Variants in VAMP7 observed in about 807,000 individuals in gnomAD.
The protein encoded by VAMP7 is vesicle-associated membrane protein 7.
A neutral mutation model predicts 29.6 loss-of-function variants in VAMP7; 14 were observed. That is an observed-to-expected ratio of 0.47 (90% CI 0.31 to 0.74). The LOEUF is 0.74. Among genes scored for constraint, VAMP7 ranks in the 30% least tolerant of loss-of-function variants. The probability of loss-of-function intolerance (pLI) is 0.05; values close to 1 mark genes in which losing one functional copy is unlikely to be tolerated. For missense variants in VAMP7, 223 were observed against 262.4 expected (o/e 0.85, Z 1.04); for synonymous variants, 95 against 88.1 (o/e 1.08, Z -0.44).
At chrX:155,916,079 T>A (rs1351473772) in intron 5 of VAMP7, among the ~76,000 whole-genome samples, 1 of 152,238 alleles carries the variant, frequency 6.6e-6, no homozygotes, top group East Asian at 1.9e-4. Context: ...TTAGCTCTTC[T>A]TGTTGCATTG....
chrX:155,940,069 TGG>T (rs1413767227), intron 7 of VAMP7, among the ~76,000 whole-genome samples: 3 of 152,060 alleles, frequency 2.0e-5, no homozygotes, highest in African/African-American at 7.2e-5. Flanking sequence ...AAGACATTTC[TGG>T]TTTATATGTA....
At chrX:155,891,644 C>CA (rs1339088017) in intron 2 of VAMP7, among the ~76,000 whole-genome samples, 1 of 152,216 alleles carries the variant, frequency 6.6e-6, no homozygotes, top group East Asian at 1.9e-4. Flanking sequence ...TTGCCTCACA[C>CA]AATTTCAAAG....
Position 155,900,694 on chromosome X carries a change from C to T in VAMP7, c.433+107C>T, listed in dbSNP as rs766601856. 1.0e-5 allele frequency: 9 copies of T among 898,576 alleles called. No homozygotes were observed. The African/African-American group carries it at 1.2e-4, about 12-fold the overall frequency. 55.7% of individuals were successfully genotyped at this position (898,576 alleles called of 1,614,324 possible). A position where few individuals can be genotyped will look rare whatever the true frequency, so the allele number is the denominator to read the frequency against. ...CCAAAATAGCACTTCCTTATTCTTA[C>T]CATTGGAAGTTAATTGTCAGCTGAG... On this transcript the variant is annotated intron_variant, in intron 5 of 7. Transcript: ENST00000286448.
intron 5 of VAMP7, among the ~76,000 whole-genome samples, chrX:155,901,225 G>A (rs937518564): frequency 6.6e-6 from 1 of 151,970 alleles, no homozygotes; most frequent in Non-Finnish European, 1.5e-5. Flanking sequence ...ATCAAAATGC[G>A]CAAACGTTTT....
At chrX:155,924,431 A>G (rs2066440500) in intron 6 of VAMP7, among the ~76,000 whole-genome samples, 1 of 152,098 alleles carries the variant, frequency 6.6e-6, no homozygotes, top group Non-Finnish European at 1.5e-5. Flanking sequence ...CTCTGTAACC[A>G]TTAAGTAATA....
At chrX:155,884,989 T>A (rs2065848758) in intron 1 of VAMP7, among the ~76,000 whole-genome samples, 1 of 152,228 alleles carries the variant, frequency 6.6e-6, no homozygotes, top group Admixed American at 6.5e-5. Flanking sequence ...GAACGCTGGA[T>A]GCATTTCCTT....
intron 4 of VAMP7, among the ~76,000 whole-genome samples, chrX:155,898,879 CT>C (rs374852110): frequency 3.1e-3 from 471 of 152,106 alleles, no homozygotes; most frequent in African/African-American, 0.011. Context: ...TGTAAACTTT[CT>C]GTAAATGGAA....
intron 7 of VAMP7, 135 bp from the exon 8 acceptor site, chrX:155,941,748 G>A (rs1440141570): frequency 9.4e-7 from 1 of 1,064,714 alleles, no homozygotes; most frequent in Non-Finnish European, 1.3e-6. Context: ...CTTGTTTAGT[G>A]TGTTCCATTA....
intron 5 of VAMP7, among the ~76,000 whole-genome samples, chrX:155,910,882 A>G (rs1163616171): frequency 6.6e-6 from 1 of 152,070 alleles, no homozygotes; most frequent in South Asian, 2.1e-4. Flanking sequence ...CTCCCATTCA[A>G]CTGGTTGTCT....
chrX:155,932,559 G>C (rs1048977087), intron 6 of VAMP7, among the ~76,000 whole-genome samples: 3 of 151,944 alleles, frequency 2.0e-5, no homozygotes, highest in African/African-American at 7.2e-5. Flanking sequence ...CGTTGATTTC[G>C]TATCAAGACT....
chrX:155,930,497 A>C (rs1167140242), intron 6 of VAMP7, among the ~76,000 whole-genome samples: 2 of 151,368 alleles, frequency 1.3e-5, no homozygotes, highest in Admixed American at 6.6e-5. Context: ...AACAAAAAAA[A>C]AAAAAAAATA....
At chrX:155,896,054 C>T (rs1010043394) in intron 3 of VAMP7, among the ~76,000 whole-genome samples, 9 of 152,150 alleles carry the variant, frequency 5.9e-5, no homozygotes, top group Admixed American at 3.3e-4. Flanking sequence ...TCTACAAAAC[C>T]GGTCCCTGGT....
At chrX:155,936,049 G>A (rs1465962991) in intron 6 of VAMP7, among the ~76,000 whole-genome samples, 1 of 130,856 alleles carries the variant, frequency 7.6e-6, no homozygotes, top group East Asian at 2.4e-4. Context: ...CTCTCTGATC[G>A]TTCCTCTGGA....
chrX:155,887,231 A>G (rs1416879436), intron 1 of VAMP7, among the ~76,000 whole-genome samples: 1 of 147,678 alleles, frequency 6.8e-6, no homozygotes, highest in South Asian at 2.1e-4. Flanking sequence ...CTTTGGCACT[A>G]TTTTTTTTTT....
chrX:155,895,769 C>A, intron 3 of VAMP7, 89 bp downstream of exon 3: 1 of 1,152,354 alleles, frequency 8.7e-7, no homozygotes, highest in South Asian at 1.3e-5. Context: ...GTCCCCAACC[C>A]CCAGGCTGCA....
chrX:155,926,382 T>G (rs2066466967), intron 6 of VAMP7, among the ~76,000 whole-genome samples: 1 of 152,218 alleles, frequency 6.6e-6, no homozygotes, highest in African/African-American at 2.4e-5. Flanking sequence ...CACTTGCTGC[T>G]TCACCTTGTA....
intron 5 of VAMP7, among the ~76,000 whole-genome samples, chrX:155,916,343 T>A (rs2066313128): frequency 6.6e-6 from 1 of 152,232 alleles, no homozygotes; most frequent in Non-Finnish European, 1.5e-5. Context: ...TTGGGGCATT[T>A]ACCCCATTTA....
At chrX:155,898,342 G>T in intron 4 of VAMP7, 93 bp downstream of exon 4, 1 of 1,458,408 alleles carries the variant, frequency 6.9e-7, no homozygotes, top group Non-Finnish European at 9.2e-7. Context: ...CTGCAATATA[G>T]TTTTCTGATT....
At chrX:155,930,635 G>A (rs1421806433) in intron 6 of VAMP7, among the ~76,000 whole-genome samples, 7 of 151,086 alleles carry the variant, frequency 4.6e-5, no homozygotes, top group African/African-American at 1.5e-4. Context: ...GGGTTACAGA[G>A]GGGTGACCTC....
Sources: allele counts gnomAD v4.1 joint callset (sites outside exome capture counted in the v4.1 genomes callset), GRCh38; gene constraint gnomAD v4.1.1; transcripts MANE v1.5; gene names NCBI Gene and HGNC (gene_info 2026-07-23, HGNC 2026-07-21).